The following SCGB2B2 variants were observed in gnomAD, a reference collection of about 807,000 sequenced individuals.
The protein encoded by SCGB2B2 is secretoglobin-like protein.
In SCGB2B2, 11 loss-of-function variants were observed where a neutral mutation model predicts 7.6. The observed-to-expected ratio is 1.45, with a 90% CI of 0.91 to 2.40. The LOEUF is 2.40. Ranked by LOEUF, SCGB2B2 falls within the 30% of genes most tolerant of loss-of-function variation. The probability of loss-of-function intolerance (pLI) is 0.00; values close to 1 mark genes in which losing one functional copy is unlikely to be tolerated. For synonymous variants in SCGB2B2, 50 were observed against 48.6 expected (o/e 1.03, Z -0.12); for missense variants, 104 against 115.4 (o/e 0.90, Z 0.45).
In SCGB2B2 at chr19:34,593,978, G is replaced by A. The variant is rs79833114; in HGVS notation, c.246+197C>T. On this transcript the variant is annotated intron_variant, in intron 3 of 3. Transcript: ENST00000601241. The stretch of plus-strand genomic sequence containing the variant: ...GGTTCTCCCCTTGCAGAGTTGCAGC[G>A]TCTGGGTCGAGGACTTGGAGAGGTG... Among the ~76,000 whole-genome samples, 33 of 152,142 alleles carry A rather than the reference G, an allele frequency of 2.2e-4. No homozygotes were observed. The East Asian group carries it at 5.1e-3, about 23-fold the overall frequency.
Position 34,617,004 on chromosome 19 carries a change from G to A in SCGB2B2, c.-2031-20410C>T, listed in dbSNP as rs558402826. Among the ~76,000 whole-genome samples, 52 of 152,164 alleles carry A rather than the reference G, an allele frequency of 3.4e-4. No homozygotes were observed. In the East Asian group the frequency reaches 5.2e-3, roughly 15 times the overall value. On this transcript the variant is annotated intron_variant, in intron 1 of 3. Transcript: ENST00000601241. ...AAAGATCAGATAGTTGTAGATATGCGGCATTATTTCTGAGGGCTCTGTTCT... is the reference window on the plus strand; with the variant it reads ...AAAGATCAGATAGTTGTAGATATGCAGCATTATTTCTGAGGGCTCTGTTCT...
intron 1 of SCGB2B2, among the ~76,000 whole-genome samples, chr19:34,612,324 A>T (rs780932439): frequency 6.6e-6 from 1 of 152,134 alleles, no homozygotes; most frequent in Non-Finnish European, 1.5e-5. Flanking sequence ...GGCATGAGCC[A>T]CTGTGCCTGG....
chr19:34,645,517 C>G lies in SCGB2B2; in HGVS notation c.-2032+30113G>C, dbSNP rs112674028. On this transcript the variant is annotated intron_variant, in intron 1 of 3. Transcript: ENST00000601241. ...TTATGTGCATACACAGACACACAGA[C>G]ACACACAGACACACACAGACACAGA... is the stretch of plus-strand genomic sequence containing the variant. 4.1e-3 allele frequency: 142 copies of G among 34,750 alleles called. 1 individual carries two copies. Among genetic ancestry groups the G allele is most frequent in the East Asian group, 0.035 (86 of 2,474 alleles). The allele number at this position is 34,750 out of a possible 1,614,324, so 2.2% of individuals were successfully genotyped here.
At chr19:34,590,037 T>G (rs1184285348), downstream of SCGB2B2, among the ~76,000 whole-genome samples, 1 of 152,180 alleles carries the variant, frequency 6.6e-6, no homozygotes. Context: ...TCATCACAAG[T>G]TCTCTGAGTA....
chr19:34,592,453 C>G lies in SCGB2B2; in HGVS notation c.*1102G>C, dbSNP rs1418012717. ...CGCTGACCTGAGCAGGAGGGAGGGA[C>G]AGGGTTTGGAGGGTGTCATCTGAGA... is the stretch of plus-strand genomic sequence containing the variant. On this transcript the variant is annotated 3_prime_UTR_variant, in exon 4 of 4. Coordinates refer to ENST00000601241, the MANE Select transcript of SCGB2B2 (RefSeq NM_001025591.4). Among the ~76,000 whole-genome samples, 1 of 151,846 alleles carries G rather than the reference C, an allele frequency of 6.6e-6. No individual in the cohort carries two copies. Among genetic ancestry groups the G allele is most frequent in the Non-Finnish European group, 1.5e-5 (1 of 67,968 alleles).
At chr19:34,666,260 G>A (rs1200340745) in intron 1 of SCGB2B2, among the ~76,000 whole-genome samples, 1 of 152,036 alleles carries the variant, frequency 6.6e-6, no homozygotes, top group Non-Finnish European at 1.5e-5. Context: ...GCCGGTCCCA[G>A]CCACAATCAC....
chr19:34,653,294 G>A (rs1306333061), intron 1 of SCGB2B2, among the ~76,000 whole-genome samples: 2 of 151,122 alleles, frequency 1.3e-5, no homozygotes, highest in Non-Finnish European at 2.9e-5. Flanking sequence ...TGTTCTATAG[G>A]ATTGTAGGGT....
At chr19:34,628,667 C>T (rs963706886) in intron 1 of SCGB2B2, among the ~76,000 whole-genome samples, 2 of 151,942 alleles carry the variant, frequency 1.3e-5, no homozygotes, top group Non-Finnish European at 2.9e-5. Context: ...GACAGATTCA[C>T]AGCTGATTTC....
intron 1 of SCGB2B2, among the ~76,000 whole-genome samples, chr19:34,651,038 T>C (rs1030622882): frequency 6.6e-6 from 1 of 151,194 alleles, no homozygotes; most frequent in African/African-American, 2.5e-5. Flanking sequence ...AAAAGCATGA[T>C]AAAATTCAAT....
intron 1 of SCGB2B2, among the ~76,000 whole-genome samples, chr19:34,624,922 T>G (rs2066328896): frequency 1.3e-5 from 2 of 152,172 alleles, no homozygotes; most frequent in African/African-American, 2.4e-5. Flanking sequence ...TTGTTTGATC[T>G]TACAAGAAAA....
intron 1 of SCGB2B2, among the ~76,000 whole-genome samples, chr19:34,611,637 A>C (rs568855844): frequency 6.4e-4 from 86 of 134,562 alleles, no homozygotes; most frequent in African/African-American, 2.3e-3. Flanking sequence ...TGTTTCAATA[A>C]ATTTTAAAAT....
At chr19:34,659,281 T>G (rs1448787482) in intron 1 of SCGB2B2, among the ~76,000 whole-genome samples, 3 of 152,186 alleles carry the variant, frequency 2.0e-5, no homozygotes, top group Admixed American at 1.3e-4. Context: ...TGTTGGAAGT[T>G]CTGGCCAGGG....
intron 1 of SCGB2B2, among the ~76,000 whole-genome samples, chr19:34,601,367 G>C (rs943944614): frequency 3.9e-5 from 6 of 152,156 alleles, no homozygotes; most frequent in Non-Finnish European, 1.5e-5. Context: ...TGCTGGTTTT[G>C]GCCCTCTGCA....
At chr19:34,663,993 G>A (rs1451908861) in intron 1 of SCGB2B2, among the ~76,000 whole-genome samples, 1 of 49,442 alleles carries the variant, frequency 2.0e-5, no homozygotes, top group African/African-American at 7.7e-5. Flanking sequence ...CCTCCCCCAT[G>A]GGACACCTCT....
At chr19:34,636,070 C>G (rs1319175813) in intron 1 of SCGB2B2, among the ~76,000 whole-genome samples, 1 of 152,228 alleles carries the variant, frequency 6.6e-6, no homozygotes, top group African/African-American at 2.4e-5. Flanking sequence ...CCTTAGGAGC[C>G]CTGACCTGTG....
At chr19:34,653,972 C>A (rs976357531) in intron 1 of SCGB2B2, among the ~76,000 whole-genome samples, 2 of 122,222 alleles carry the variant, frequency 1.6e-5, no homozygotes, top group Non-Finnish European at 1.8e-5. Context: ...CCCAGAGCAA[C>A]GAGGCAAGAA....
intron 1 of SCGB2B2, among the ~76,000 whole-genome samples, chr19:34,629,442 G>A (rs530802403): frequency 3.5e-4 from 53 of 151,964 alleles, no homozygotes; most frequent in African/African-American, 1.2e-3. Context: ...CAAAATCAAT[G>A]TGCAAAAATC....
In SCGB2B2 at chr19:34,612,044, TTTTTTTTTTTTTTTA is replaced by T. The variant is rs1322859461; in HGVS notation, c.-2031-15465_-2031-15451del. 8.2e-5 allele frequency among the ~76,000 whole-genome samples: 10 copies of T among 121,400 alleles called. No homozygotes were observed. In the East Asian group the frequency reaches 9.2e-4, roughly 11 times the overall value. The allele number at this position is 121,400 out of a possible 152,430, so 79.6% of individuals were successfully genotyped here. ...ATTCTTTTTTTTTTTTTTTTTTTTT[TTTTTTTTTTTTTTTA>T]GGATAGTCTCACTCTGTTGCCAGGC... On this transcript the variant is annotated intron_variant, in intron 1 of 3. Coordinates refer to ENST00000601241, the MANE Select transcript of SCGB2B2 (RefSeq NM_001025591.4).
At chr19:34,590,213 T>A (rs970360137), downstream of SCGB2B2, among the ~76,000 whole-genome samples, 1 of 151,998 alleles carries the variant, frequency 6.6e-6, no homozygotes, top group Non-Finnish European at 1.5e-5. Context: ...GGGGTATGGT[T>A]TCCACCTCCA....
Sources: allele counts gnomAD v4.1 joint callset (sites outside exome capture counted in the v4.1 genomes callset), GRCh38; gene constraint gnomAD v4.1.1; transcripts MANE v1.5; gene names NCBI Gene and HGNC (gene_info 2026-07-23, HGNC 2026-07-21).